Variants in TMEM130 observed in about 807,000 individuals in gnomAD.
The protein encoded by TMEM130 is transmembrane protein 130.
Under a neutral mutation model 42.9 loss-of-function variants are expected in TMEM130, and 37 were observed. The observed-to-expected ratio is 0.86, with a 90% CI of 0.66 to 1.13. The LOEUF (loss-of-function observed/expected upper bound fraction) is 1.13. Among genes scored for constraint, TMEM130 ranks in the 50% most tolerant of loss-of-function variants. The pLI is 0.00. For missense variants in TMEM130, 545 were observed against 562.6 expected (o/e 0.97, Z 0.32); for synonymous variants, 259 against 237.7 (o/e 1.09, Z -0.82).
Position 98,847,991 on chromosome 7 carries a change from C to T in TMEM130, c.*65G>A. On this transcript the variant is annotated 3_prime_UTR_variant, in exon 8 of 8. Coordinates refer to ENST00000339375, the MANE Select transcript of TMEM130 (RefSeq NM_152913.3). ...ACCCCTCCTGGTCAGTGGTGCACAC[C>T]ACCCTGCTGGAAACTCCAAGTCAGC... 1 of 1,517,190 alleles carries T rather than the reference C, an allele frequency of 6.6e-7. No individual in the cohort carries two copies. The highest frequency in any genetic ancestry group is 1.2e-5 in the South Asian group (1 of 80,778). The allele number at this position is 1,517,190 out of a possible 1,614,324, so 94.0% of individuals were successfully genotyped here. A position where few individuals can be genotyped will look rare whatever the true frequency, so the allele number is the denominator to read the frequency against.
chr7:98,867,608 G>A (rs1554400789), intron 1 of TMEM130, among the ~76,000 whole-genome samples: 1 of 152,156 alleles, frequency 6.6e-6, no homozygotes, highest in Non-Finnish European at 1.5e-5. Context: ...CGGTTGCCAG[G>A]GGAATGGATC....
chr7:98,847,104 G>A lies in TMEM130; in HGVS notation c.*952C>T, dbSNP rs545409905. The A allele has an allele frequency of 7.9e-5, 12 of 152,130 alleles. No individual in the cohort carries two copies. Among genetic ancestry groups the A allele is most frequent in the African/African-American group, 1.9e-4 (8 of 41,382 alleles). The allele number at this position is 152,130 out of a possible 1,614,324, so 9.4% of individuals were successfully genotyped here. On this transcript the variant is annotated 3_prime_UTR_variant, in exon 8 of 8. Coordinates refer to ENST00000339375, the MANE Select transcript of TMEM130 (RefSeq NM_152913.3). Reference sequence around the variant, plus strand: ...GATCTCCTGATCTCGTGATCCACCCGCCTCGGCCTCCCAAAGTGCTGGGAT... The same window carrying A: ...GATCTCCTGATCTCGTGATCCACCCACCTCGGCCTCCCAAAGTGCTGGGAT...
At chr7:98,858,153 TGTTA>T (rs1388694031) in intron 3 of TMEM130, among the ~76,000 whole-genome samples, 4 of 148,406 alleles carry the variant, frequency 2.7e-5, no homozygotes, top group Non-Finnish European at 5.9e-5. Context: ...TTCTGTATAA[TGTTA>T]GTTGTTAGTT....
rs1167475577 is a variant in TMEM130, at chr7:98,869,484, G to T, written c.85+293C>A. 1 of 802,348 alleles carries T rather than the reference G, an allele frequency of 1.2e-6. No homozygotes were observed. Among genetic ancestry groups the T allele is most frequent in the Non-Finnish European group, 1.5e-6 (1 of 662,426 alleles). The allele number at this position is 802,348 out of a possible 1,614,324, so 49.7% of individuals were successfully genotyped here. On this transcript the variant is annotated intron_variant, in intron 1 of 7. Transcript: ENST00000339375. This position sits in a 1 kb window ranked among gnomAD's most constrained non-coding sequence, Gnocchi z 4.7. ...GGGTGCATGGTCCCCAGGCATCGAC[G>T]GATGCGCCGGCCACCCCCGCGCGGT...
rs76648437 is a variant in TMEM130 at position 98,860,265 on chromosome 7, G to C, written c.465C>G (p.Thr155=). The C allele has an allele frequency of 1.9e-6, 3 of 1,613,604 alleles. No individual in the cohort carries two copies. Among genetic ancestry groups the C allele is most frequent in the African/African-American group, 2.7e-5 (2 of 74,982 alleles). The change falls in exon 3 of 8, where the codon ACC becomes ACG. Residue 155 remains threonine, a synonymous_variant. Coordinates refer to ENST00000339375, the MANE Select transcript of TMEM130 (RefSeq NM_152913.3). ...GGAGGAGGAAGGAGACTTTCAGGAC[G>C]GTCTTAGTGAGATAGGAGCTGGGCC... ...LPWPSSYLTK[T]VLKVSFLLHD...
intron 2 of TMEM130, among the ~76,000 whole-genome samples, chr7:98,862,630 C>T (rs113977946): frequency 1.1e-4 from 16 of 151,010 alleles, no homozygotes; most frequent in African/African-American, 3.6e-4. Flanking sequence ...TCTTATACAG[C>T]TGGGATTATA....
chr7:98,850,273 A>ATATATATATTTTTTTTTTTTT, intron 6 of TMEM130, among the ~76,000 whole-genome samples: 12 of 35,426 alleles, frequency 3.4e-4, no homozygotes, highest in East Asian at 7.7e-4. Context: ...ATATATATAT[A>ATATATATATTTTTTTTTTTTT]TTTTTTTTTT....
chr7:98,861,286 C>G (rs1442091664), intron 2 of TMEM130, among the ~76,000 whole-genome samples: 1 of 150,978 alleles, frequency 6.6e-6, no homozygotes, highest in Non-Finnish European at 1.5e-5. Context: ...TGCAGTGAGT[C>G]GAGATCGCGC....
chr7:98,860,382 G>C lies in TMEM130; in HGVS notation c.392-44C>G, dbSNP rs1373118236. On this transcript the variant is annotated intron_variant, in intron 2 of 7. Transcript: ENST00000339375. The stretch of plus-strand genomic sequence containing the variant: ...CGGGAGGGTGAGTCTTGGAGATTCA[G>C]GGATCAGGAAACCAGGTAGAGACTT... The C allele has an allele frequency of 3.9e-6, 6 of 1,539,472 alleles. No individual in the cohort carries two copies. In the South Asian group the frequency reaches 7.5e-5, roughly 19 times the overall value.
chr7:98,864,896 G>A (rs998976191), intron 1 of TMEM130, among the ~76,000 whole-genome samples: 5 of 152,006 alleles, frequency 3.3e-5, no homozygotes, highest in Non-Finnish European at 7.4e-5. Context: ...GTGAGACTCC[G>A]TCTCAAAAAC....
chr7:98,865,592 G>A (rs1251974904), intron 1 of TMEM130, among the ~76,000 whole-genome samples: 17 of 152,034 alleles, frequency 1.1e-4, no homozygotes, highest in African/African-American at 3.6e-4. Context: ...TGGACGACAA[G>A]AGCGAAACTG....
intron 5 of TMEM130, among the ~76,000 whole-genome samples, chr7:98,852,202 G>A (rs1045653021): frequency 6.6e-5 from 10 of 151,850 alleles, no homozygotes; most frequent in Non-Finnish European, 1.3e-4. Flanking sequence ...GTGCAATGGC[G>A]CGATCTTGAC....
rs530874220 is a variant in TMEM130, at chr7:98,853,520, C to T, written c.803+1720G>A. Among the ~76,000 whole-genome samples, 118 of 152,282 alleles carry T rather than the reference C, an allele frequency of 7.7e-4. No individual in the cohort carries two copies. The Middle Eastern group carries it at 0.014, about 18-fold the overall frequency. Reference sequence around the variant, plus strand: ...GCACGCACCTGTAATCCCAGCTACTCGGGAGGCTGAGGCAGGAGAATCGCT... The same window carrying T: ...GCACGCACCTGTAATCCCAGCTACTTGGGAGGCTGAGGCAGGAGAATCGCT... On this transcript the variant is annotated intron_variant, in intron 5 of 7. Coordinates refer to ENST00000339375, the MANE Select transcript of TMEM130 (RefSeq NM_152913.3).
Position 98,869,412 on chromosome 7 carries a change from A to C in TMEM130, c.85+365T>G, listed in dbSNP as rs1584249070. The C allele has an allele frequency of 3.3e-6, 4 of 1,201,356 alleles. No homozygotes were observed. Among genetic ancestry groups the C allele is most frequent in the Non-Finnish European group, 4.2e-6 (4 of 954,646 alleles). 74.4% of individuals were successfully genotyped at this position (1,201,356 alleles called of 1,614,324 possible). A position where few individuals can be genotyped will look rare whatever the true frequency, so the allele number is the denominator to read the frequency against. ...CTGGGGAATTGTGGCGCGATGACGG[A>C]CCCTGGCGCATCCCCGCCTCCCTGC... is the stretch of plus-strand genomic sequence containing the variant. On this transcript the variant is annotated intron_variant, in intron 1 of 7. Transcript: ENST00000339375. The surrounding 1 kb of genome is among the most constrained non-coding windows in gnomAD (Gnocchi z 4.7).
rs371030806 is a variant in TMEM130 at position 98,860,168 on chromosome 7, T to C, written c.551+11A>G. 6.2e-7 allele frequency: 1 copy of C among 1,606,528 alleles called. No individual in the cohort carries two copies. The highest frequency in any genetic ancestry group is 8.5e-7 in the Non-Finnish European group (1 of 1,176,730). ...GACAGCTGTAGGGCCTGCAGAGGGG[T>C]AAGGACCTACCCGTCCCCGAAGTCC... On this transcript the variant is annotated intron_variant, in intron 3 of 7. Coordinates refer to ENST00000339375, the MANE Select transcript of TMEM130 (RefSeq NM_152913.3).
chr7:98,850,679 C>T (rs1794479822), intron 6 of TMEM130, among the ~76,000 whole-genome samples: 1 of 152,006 alleles, frequency 6.6e-6, no homozygotes, highest in African/African-American at 2.4e-5. Flanking sequence ...CTCCCAGAGT[C>T]CTGGGAGCCA....
chr7:98,863,328 A>T lies in TMEM130; in HGVS notation c.158T>A (p.Leu53Gln). The stretch of plus-strand genomic sequence containing the variant: ...CAGGCTGCCGTTGTCCTTGGCCACC[A>T]GGCTGGCCGAGATGGTCACCACCGC... ...TGAVVTISAS[L>Q]VAKDNGSLAL... Residue 53 changes from leucine (L) to glutamine (Q), a missense_variant, in exon 2 of 8, where the codon CTG becomes CAG. By Grantham distance (113) the Leu-to-Gln change is moderately radical (BLOSUM62 -2). Coordinates refer to ENST00000339375, the MANE Select transcript of TMEM130 (RefSeq NM_152913.3). The T allele has an allele frequency of 6.2e-7, 1 of 1,611,590 alleles. No individual in the cohort carries two copies. The highest frequency in any genetic ancestry group is 2.2e-5 in the East Asian group (1 of 44,856).
chr7:98,862,344 A>AACAGAGAGAGAAGGG (rs1794793875), intron 2 of TMEM130, among the ~76,000 whole-genome samples: 1 of 151,270 alleles, frequency 6.6e-6, no homozygotes, highest in African/African-American at 2.4e-5. Context: ...AGAAAGGGAA[A>AACAGAGAGAGAAGGG]ACAGAGAGAG....
intron 1 of TMEM130, chr7:98,865,712 C>T (rs1554400531): frequency 6.6e-6 from 1 of 152,238 alleles, no homozygotes. Flanking sequence ...AGATCCCTTA[C>T]CCTCTCTCTG....
Sources: gnomAD v4.1 joint callset for allele counts (sites outside exome capture counted in the v4.1 genomes callset) on GRCh38, gnomAD v4.1.1 for gene constraint, Gnocchi (gnomAD v3.1) non-coding constraint, MANE v1.5 for transcripts, NCBI Gene and HGNC (gene_info 2026-07-23, HGNC 2026-07-21) for gene names.